IGBP1C: variants seen among roughly 807,000 people sequenced by gnomAD.
The protein encoded by IGBP1C is immunoglobulin-binding protein 1 family member C.
chr17:58,685,790 A>G, the IGBP1C span, among the ~76,000 whole-genome samples: 1 of 151,532 alleles, frequency 6.6e-6, no homozygotes, highest in African/African-American at 2.4e-5. Context: ...TCAGGAGTTC[A>G]AGATCAGCCT....
the IGBP1C span, among the ~76,000 whole-genome samples, chr17:58,691,698 A>G: frequency 1.3e-5 from 2 of 148,932 alleles, no homozygotes; most frequent in African/African-American, 4.9e-5. Context: ...GCCAATAGGT[A>G]GGGAATAAGT....
the IGBP1C span, chr17:58,661,044 C>G: frequency 1.8e-6 from 2 of 1,112,952 alleles, no homozygotes; most frequent in Non-Finnish European, 2.8e-6. Flanking sequence ...TCATTATCTG[C>G]TTGACCACTT....
chr17:58,670,425 A>C, the IGBP1C span, among the ~76,000 whole-genome samples: 1 of 145,688 alleles, frequency 6.9e-6, no homozygotes, highest in African/African-American at 2.5e-5. Context: ...TGGGAAGATT[A>C]AAAAAAAAAA....
the IGBP1C span, among the ~76,000 whole-genome samples, chr17:58,669,359 A>G: frequency 5.3e-5 from 8 of 151,504 alleles, no homozygotes; most frequent in Non-Finnish European, 1.5e-5. Context: ...CTCAAAAACA[A>G]ACAAAAAAAA....
the IGBP1C span, among the ~76,000 whole-genome samples, chr17:58,680,950 G>C: frequency 6.6e-6 from 1 of 151,972 alleles, no homozygotes; most frequent in Admixed American, 6.6e-5. Flanking sequence ...TCAAGCTCAC[G>C]GTTTTCCATC....
At chr17:58,685,720 G>T in the IGBP1C span, among the ~76,000 whole-genome samples, 1 of 151,646 alleles carries the variant, frequency 6.6e-6, no homozygotes, top group Admixed American at 6.6e-5. Context: ...GGCGAGGTGC[G>T]GTGCCTCATG....
chr17:58,690,523 A>G, the IGBP1C span, among the ~76,000 whole-genome samples: 3 of 152,158 alleles, frequency 2.0e-5, no homozygotes, highest in African/African-American at 7.2e-5. Context: ...GACTGATTCC[A>G]CTGAGTTTGA....
At chr17:58,690,126 TATAG>T in the IGBP1C span, among the ~76,000 whole-genome samples, 7 of 151,904 alleles carry the variant, frequency 4.6e-5, no homozygotes, top group Middle Eastern at 6.8e-3. Flanking sequence ...ATTATACAGC[TATAG>T]ATAGAGTTGA....
chr17:58,666,301 T>G, the IGBP1C span, among the ~76,000 whole-genome samples: 13 of 151,388 alleles, frequency 8.6e-5, no homozygotes, highest in African/African-American at 2.9e-4. Context: ...TGAGCCGAGA[T>G]TGCTCCACTG....
At chr17:58,679,342 A>T in the IGBP1C span, among the ~76,000 whole-genome samples, 1 of 152,294 alleles carries the variant, frequency 6.6e-6, no homozygotes, top group African/African-American at 2.4e-5. Flanking sequence ...GTAATGGCAA[A>T]TCACTGTAGT....
chr17:58,682,478 G>A, the IGBP1C span, among the ~76,000 whole-genome samples: 2 of 151,708 alleles, frequency 1.3e-5, no homozygotes, highest in African/African-American at 2.4e-5. Flanking sequence ...GGCTGGTCTC[G>A]AACTCCTGAC....
At chr17:58,664,760 G>A in the IGBP1C span, among the ~76,000 whole-genome samples, 1 of 152,174 alleles carries the variant, frequency 6.6e-6, no homozygotes, top group African/African-American at 2.4e-5. Context: ...TCTTATGACT[G>A]CATTGATTAA....
the IGBP1C span, among the ~76,000 whole-genome samples, chr17:58,680,208 G>A: frequency 2.6e-5 from 4 of 151,964 alleles, no homozygotes; most frequent in South Asian, 4.1e-4. Flanking sequence ...AAACAGGCGC[G>A]CACGGCTTTC....
chr17:58,684,166 A>G, the IGBP1C span, among the ~76,000 whole-genome samples: 1 of 151,746 alleles, frequency 6.6e-6, no homozygotes, highest in Non-Finnish European at 1.5e-5. Context: ...GAAAGAAAAA[A>G]AAATGCTTCC....
the IGBP1C span, among the ~76,000 whole-genome samples, chr17:58,670,771 T>TCAAAAAAAAAAAAAAAAAAA: frequency 7.5e-4 from 6 of 7,956 alleles, 3 homozygotes; most frequent in South Asian, 0.024. Context: ...AGACTCCCTC[T>TCAAAAAAAAAAAAAAAAAAA]TAAAAAAAAA....
the IGBP1C span, among the ~76,000 whole-genome samples, chr17:58,664,542 C>A: frequency 1.3e-5 from 2 of 152,162 alleles, no homozygotes; most frequent in African/African-American, 4.8e-5. Context: ...GGCCTAGCCA[C>A]TGGGGATACT....
chr17:58,666,011 T>A, the IGBP1C span, among the ~76,000 whole-genome samples: 2 of 146,686 alleles, frequency 1.4e-5, no homozygotes, highest in Non-Finnish European at 3.0e-5. Context: ...ATTGTGCCAC[T>A]CAACTCCAGC....
chr17:58,680,138 A>G, the IGBP1C span, among the ~76,000 whole-genome samples: 1 of 151,890 alleles, frequency 6.6e-6, no homozygotes, highest in African/African-American at 2.4e-5. Context: ...GGGGTACAGT[A>G]GTTATCGAAC....
chr17:58,690,836 G>A, the IGBP1C span, among the ~76,000 whole-genome samples: 4 of 152,100 alleles, frequency 2.6e-5, no homozygotes, highest in Non-Finnish European at 5.9e-5. Flanking sequence ...AGGATGCTAG[G>A]TTTGAATCTT....
Sources: allele counts gnomAD v4.1 joint callset (sites outside exome capture counted in the v4.1 genomes callset), GRCh38; gene constraint gnomAD v4.1.1; transcripts MANE v1.5; gene names NCBI Gene and HGNC (gene_info 2026-07-23, HGNC 2026-07-21).